Variants in EPM2A observed in about 807,000 individuals in gnomAD.
EPM2A encodes the protein laforin.
A neutral mutation model predicts 26.5 loss-of-function variants in EPM2A; 21 were observed. That is an observed-to-expected ratio of 0.79 (90% CI 0.56 to 1.14). The LOEUF is 1.14. Among genes scored for constraint, EPM2A ranks in the 50% most tolerant of loss-of-function variants. EPM2A has a pLI of 0.00. For missense variants in EPM2A, 458 were observed against 440.8 expected (o/e 1.04, Z -0.35); for synonymous variants, 217 against 177.6 (o/e 1.22, Z -1.76).
chr6:145,666,016 A>G (rs1209937964), intron 2 of EPM2A, among the ~76,000 whole-genome samples: 29 of 147,476 alleles, frequency 2.0e-4, no homozygotes, highest in Non-Finnish European at 3.9e-4. Flanking sequence ...GACGTATTTC[A>G]AAATAATAAG....
At chr6:145,620,169 C>G (rs1047652008) in intron 2 of EPM2A, among the ~76,000 whole-genome samples, 1 of 152,174 alleles carries the variant, frequency 6.6e-6, no homozygotes, top group African/African-American at 2.4e-5. Context: ...GACATTTTTT[C>G]CATGGACAGG....
At chr6:145,695,072 C>CAA (rs1311370589) in intron 1 of EPM2A, among the ~76,000 whole-genome samples, 16 of 151,742 alleles carry the variant, frequency 1.1e-4, no homozygotes, top group East Asian at 1.9e-4. Context: ...AGTTAAAAGA[C>CAA]AAAACTATTA....
intron 4 of EPM2A, among the ~76,000 whole-genome samples, chr6:145,481,649 G>A (rs534502044): frequency 6.6e-5 from 10 of 152,182 alleles, no homozygotes; most frequent in Non-Finnish European, 1.0e-4. Context: ...CCCTGACCCA[G>A]AACCACTCAG....
At chr6:145,595,400 C>T (rs1045961304) in intron 2 of EPM2A, among the ~76,000 whole-genome samples, 8 of 151,104 alleles carry the variant, frequency 5.3e-5, no homozygotes, top group African/African-American at 1.7e-4. Context: ...CTACTATGTG[C>T]TATCTTTTAC....
intron 4 of EPM2A, among the ~76,000 whole-genome samples, chr6:145,430,994 C>T (rs1449256008): frequency 6.6e-6 from 1 of 152,126 alleles, no homozygotes; most frequent in Non-Finnish European, 1.5e-5. Context: ...TAACTTCAAA[C>T]ATCAGAGCTT....
downstream of EPM2A, among the ~76,000 whole-genome samples, chr6:145,501,272 A>G (rs1779886166): frequency 6.6e-6 from 1 of 152,086 alleles, no homozygotes; most frequent in Non-Finnish European, 1.5e-5. Context: ...AAACTTTGGA[A>G]TTTTTCTTTG....
At chr6:145,478,350 A>G (rs192375456) in intron 4 of EPM2A, among the ~76,000 whole-genome samples, 1 of 152,038 alleles carries the variant, frequency 6.6e-6, no homozygotes, top group African/African-American at 2.4e-5. Context: ...TGTCCATGCT[A>G]TCCAACACAA....
chr6:145,510,543 T>C (rs916747297), intron 2 of EPM2A, among the ~76,000 whole-genome samples: 6 of 151,858 alleles, frequency 4.0e-5, no homozygotes, highest in Non-Finnish European at 8.8e-5. Context: ...TTGAAACAAA[T>C]AAAAATGGAG....
At chr6:145,517,984 C>T (rs192664152) in intron 2 of EPM2A, among the ~76,000 whole-genome samples, 4 of 152,130 alleles carry the variant, frequency 2.6e-5, no homozygotes, top group South Asian at 4.1e-4. Context: ...CCTAAGGCCA[C>T]GCCAATTGAT....
At chr6:145,639,450 G>A (rs1776925085) in intron 2 of EPM2A, 1 of 152,126 alleles carries the variant, frequency 6.6e-6, no homozygotes, top group African/African-American at 2.4e-5. Flanking sequence ...TAATTCTGTA[G>A]GTTCTTTGAT....
Position 145,625,633 on chromosome 6 carries a change from TTTAGCAAGGGAGC to T in EPM2A, c.*1770_*1782del, listed in dbSNP as rs1775751895. ...ATACCAATTATTACCTCTAGTTATT[TTTAGCAAGGGAGC>T]TGGACTTCACTTTACTTAATGCTAG... is the stretch of plus-strand genomic sequence containing the variant. On this transcript the variant is annotated 3_prime_UTR_variant, in exon 4 of 4. Coordinates refer to ENST00000367519, the MANE Select transcript of EPM2A (RefSeq NM_005670.4). 2 of 720,950 alleles carry T rather than the reference TTTAGCAAGGGAGC, an allele frequency of 2.8e-6. No individual in the cohort carries two copies. The highest frequency in any genetic ancestry group is 3.0e-5 in the South Asian group (2 of 67,754). 44.7% of individuals were successfully genotyped at this position (720,950 alleles called of 1,614,324 possible).
rs572915965 is a variant in EPM2A, at chr6:145,734,108, G to T, written c.301+1090C>A. ...AATTTCACTTCTTTGAATCCACTCTGCAGAAACACTCCCGAATGTTCAAAG... is the reference window on the plus strand; with the variant it reads ...AATTTCACTTCTTTGAATCCACTCTTCAGAAACACTCCCGAATGTTCAAAG... On this transcript the variant is annotated intron_variant, in intron 1 of 3. Transcript: ENST00000367519. 8.5e-5 allele frequency among the ~76,000 whole-genome samples: 13 copies of T among 152,278 alleles called. No homozygotes were observed. The South Asian group carries it at 2.5e-3, about 29-fold the overall frequency.
chr6:145,492,180 T>C (rs576772848), intron 4 of EPM2A: 4 of 197,082 alleles, frequency 2.0e-5, no homozygotes, highest in South Asian at 8.7e-5. Flanking sequence ...AACTGGAGTG[T>C]GGGTCTTGGG....
chr6:145,607,749 TC>T (rs149114442), intron 2 of EPM2A, among the ~76,000 whole-genome samples: 3,617 of 152,286 alleles, frequency 0.024, 104 homozygotes, highest in East Asian at 0.15. Context: ...ACTGCTCTGA[TC>T]AACAGTGGGG....
chr6:145,501,096 G>A (rs144407849), downstream of EPM2A, among the ~76,000 whole-genome samples: 255 of 152,256 alleles, frequency 1.7e-3, 2 homozygotes, highest in African/African-American at 5.9e-3. Flanking sequence ...ACACTGTGGA[G>A]AGGAGAGGAG....
chr6:145,494,476 C>G (rs1215089219), intron 4 of EPM2A, among the ~76,000 whole-genome samples: 1 of 152,070 alleles, frequency 6.6e-6, no homozygotes, highest in Non-Finnish European at 1.5e-5. Flanking sequence ...TCTTGTGTCT[C>G]TATCTCCTTC....
chr6:145,685,332 G>C (rs1467699695), intron 2 of EPM2A, among the ~76,000 whole-genome samples: 3 of 152,084 alleles, frequency 2.0e-5, no homozygotes, highest in Non-Finnish European at 4.4e-5. Flanking sequence ...AAATTGATGG[G>C]TCAAGACATA....
chr6:145,540,400 C>T (rs1280585996), intron 2 of EPM2A, among the ~76,000 whole-genome samples: 1 of 152,206 alleles, frequency 6.6e-6, no homozygotes, highest in Non-Finnish European at 1.5e-5. Context: ...AGACCCCATA[C>T]TTGGTTCTGA....
intron 2 of EPM2A, among the ~76,000 whole-genome samples, chr6:145,613,815 T>C (rs1162281664): frequency 6.6e-6 from 1 of 152,204 alleles, no homozygotes; most frequent in Non-Finnish European, 1.5e-5. Context: ...TTTGTTGTTT[T>C]ATTTATAGAG....
Sources: allele counts gnomAD v4.1 joint callset (sites outside exome capture counted in the v4.1 genomes callset), GRCh38; gene constraint gnomAD v4.1.1; transcripts MANE v1.5; gene names NCBI Gene and HGNC (gene_info 2026-07-23, HGNC 2026-07-21).